The following FBXW8 variants were observed in gnomAD, a reference collection of about 807,000 sequenced individuals.
FBXW8 encodes F-box/WD repeat-containing protein 8.
Under a neutral mutation model 65.3 loss-of-function variants are expected in FBXW8, and 57 were observed. The ratio of observed to expected loss-of-function variants is 0.87; its 90% CI spans 0.71 to 1.09. FBXW8 has a LOEUF of 1.09. FBXW8 is among the 50% of genes least tolerant of loss of function. The pLI, the probability that FBXW8 is intolerant of heterozygous loss-of-function variation, is 0.00. For missense variants in FBXW8, 777 were observed against 814.8 expected (o/e 0.95, Z 0.57); for synonymous variants, 308 against 330.2 (o/e 0.93, Z 0.73).
At chr12:116,917,156 C>T (rs1357089338) in intron 1 of FBXW8, among the ~76,000 whole-genome samples, 1 of 152,064 alleles carries the variant, frequency 6.6e-6, no homozygotes, top group Non-Finnish European at 1.5e-5. Context: ...AAATTTGGGG[C>T]CATCACTATG....
intron 4 of FBXW8, among the ~76,000 whole-genome samples, chr12:116,960,765 T>C (rs755473285): frequency 6.6e-6 from 1 of 152,206 alleles, no homozygotes; most frequent in East Asian, 1.9e-4. Context: ...ATGGAGGCTA[T>C]GGCACTGCGG....
At chr12:116,984,193 C>T (rs1467880676) in intron 5 of FBXW8, among the ~76,000 whole-genome samples, 2 of 152,180 alleles carry the variant, frequency 1.3e-5, no homozygotes, top group Non-Finnish European at 2.9e-5. Context: ...ATGCTAAGTA[C>T]AGAAAAGGTT....
At chr12:116,993,950 A>G (rs1273461270) in intron 7 of FBXW8, among the ~76,000 whole-genome samples, 6 of 152,194 alleles carry the variant, frequency 3.9e-5, no homozygotes, top group Admixed American at 3.9e-4. Context: ...ACATGTGGTT[A>G]TCCAATTTTC....
At position 116,920,046 on chromosome 12, in the gene FBXW8, G is replaced by C. The variant is rs145533793; in HGVS notation, c.319-7977G>C. 9.2e-4 allele frequency among the ~76,000 whole-genome samples: 140 copies of C among 152,292 alleles called. 1 individual carries two copies. The highest frequency in any genetic ancestry group is 3.2e-3 in the African/African-American group (134 of 41,560). ...GTGTACTCATGAATTGACTTAACTG[G>C]AATAACTTCCTTTCCTCTTTCCTGT... On this transcript the variant is annotated intron_variant, in intron 1 of 10. Coordinates refer to ENST00000652555, the MANE Select transcript of FBXW8 (RefSeq NM_153348.3).
intron 4 of FBXW8, among the ~76,000 whole-genome samples, chr12:116,957,008 T>A (rs2137373582): frequency 6.6e-6 from 1 of 152,144 alleles, no homozygotes; most frequent in Middle Eastern, 3.4e-3. Context: ...TTGAAATACC[T>A]TGCTTTTAGC....
In FBXW8 at chr12:117,022,424, G is replaced by A. The variant is rs111766584; in HGVS notation, c.1368-1723G>A. Reference sequence around the variant, plus strand: ...AATCCCGGCACTTTAGGAGGCTGAGGTGGGTAGATCCCTTGGCCCAGGAGT... The same window carrying A: ...AATCCCGGCACTTTAGGAGGCTGAGATGGGTAGATCCCTTGGCCCAGGAGT... On this transcript the variant is annotated intron_variant, in intron 8 of 10. Coordinates refer to ENST00000652555, the MANE Select transcript of FBXW8 (RefSeq NM_153348.3). Among the ~76,000 whole-genome samples, 613 of 151,548 alleles carry A rather than the reference G, an allele frequency of 4.0e-3. 8 individuals are homozygous for A. Among genetic ancestry groups the A allele is most frequent in the African/African-American group, 0.014 (589 of 41,350 alleles).
At chr12:117,026,736 C>T (rs1954241560) in intron 9 of FBXW8, among the ~76,000 whole-genome samples, 1 of 152,224 alleles carries the variant, frequency 6.6e-6, no homozygotes, top group South Asian at 2.1e-4. Flanking sequence ...ACCTTCTTCA[C>T]TAGCTAGGGC....
chr12:117,011,483 C>T (rs899715933), intron 8 of FBXW8, among the ~76,000 whole-genome samples: 2 of 152,216 alleles, frequency 1.3e-5, no homozygotes, highest in East Asian at 1.9e-4. Context: ...GCTGATGTTC[C>T]GGTGCTTGAG....
At chr12:116,935,160 A>G (rs577518254) in intron 2 of FBXW8, among the ~76,000 whole-genome samples, 1 of 152,346 alleles carries the variant, frequency 6.6e-6, no homozygotes, top group South Asian at 2.1e-4. Flanking sequence ...AATAAAGAAA[A>G]AGAGGGAAGA....
intron 8 of FBXW8, among the ~76,000 whole-genome samples, chr12:117,012,035 C>A (rs1446498524): frequency 6.6e-6 from 1 of 151,998 alleles, no homozygotes; most frequent in African/African-American, 2.4e-5. Flanking sequence ...AATACCACAC[C>A]ATTTTATATG....
In FBXW8 at chr12:116,985,382, G is replaced by A; in HGVS notation, c.1012G>A (p.Glu338Lys). The A allele has an allele frequency of 6.2e-7, 1 of 1,610,200 alleles. No homozygotes were observed. Residue 338 changes from glutamate (E) to lysine (K), a missense_variant, in exon 6 of 11, where the codon GAA (glutamate) becomes AAA (lysine). Physicochemically the swap from Glu to Lys is moderately conservative, Grantham distance 56 (BLOSUM62 1). Transcript: ENST00000652555. The stretch of plus-strand genomic sequence containing the variant: ...GGAGGGGTACTGGCAGATAGCTGCG[G>A]AATTTGAAGTTCCGAAACTGGTGAG... ...NEEGYWQIAA[E>K]FEVPKLVQYL...
At chr12:116,954,524 CCTT>C (rs1240202675) in intron 4 of FBXW8, among the ~76,000 whole-genome samples, 1 of 152,058 alleles carries the variant, frequency 6.6e-6, no homozygotes, top group Non-Finnish European at 1.5e-5. Context: ...AAATTTTTCT[CCTT>C]TTTAGCATTA....
intron 2 of FBXW8, among the ~76,000 whole-genome samples, chr12:116,928,581 T>C (rs752163152): frequency 2.6e-4 from 39 of 152,174 alleles, no homozygotes; most frequent in Non-Finnish European, 4.6e-4. Flanking sequence ...AAATTACCCT[T>C]TAAACTTTAG....
At chr12:116,971,656 G>A (rs1206395206) in intron 5 of FBXW8, among the ~76,000 whole-genome samples, 1 of 152,134 alleles carries the variant, frequency 6.6e-6, no homozygotes, top group African/African-American at 2.4e-5. Flanking sequence ...TCTACAGATT[G>A]GATTTTGGGT....
chr12:116,988,774 T>TAA lies in FBXW8; in HGVS notation c.1145_1146insAA (p.Tyr382Ter), dbSNP rs763429979. 6.2e-7 allele frequency: 1 copy of TAA among 1,614,134 alleles called. No homozygotes were observed. Among genetic ancestry groups the TAA allele is most frequent in the East Asian group, 2.2e-5 (1 of 44,888 alleles). ...KAEDSARTLL[Y>*]AHGPPVTCLD... Reference sequence around the variant, plus strand: ...CGAAGACTCCGCCAGAACCCTCCTTTACGCCCACGGCCCGCCTGTCACATG... The same window carrying TAA: ...CGAAGACTCCGCCAGAACCCTCCTTTAAACGCCCACGGCCCGCCTGTCACATG... The change falls in exon 7 of 11, where the codon TAC (tyrosine) becomes TAAAC (stop). Residue 382 changes from tyrosine (Y) to a stop codon, truncating the protein, a stop_gained and frameshift_variant. Transcript: ENST00000652555. LOFTEE classifies it high-confidence loss of function.
intron 4 of FBXW8, 125 bp from the exon 5 acceptor site, chr12:116,964,572 C>A: frequency 1.9e-6 from 2 of 1,041,974 alleles, no homozygotes; most frequent in African/African-American, 1.6e-5. Flanking sequence ...CTAAACAGTG[C>A]CTCAGCAGTG....
At chr12:116,999,190 G>A (rs2135692651) in intron 7 of FBXW8, among the ~76,000 whole-genome samples, 1 of 152,302 alleles carries the variant, frequency 6.6e-6, no homozygotes. Context: ...ACATCTGAGC[G>A]GTCGCATCCC....
At chr12:116,965,109 A>G (rs1362165485) in intron 5 of FBXW8, among the ~76,000 whole-genome samples, 1 of 152,260 alleles carries the variant, frequency 6.6e-6, no homozygotes, top group Admixed American at 6.5e-5. Context: ...GCTGGGCGCT[A>G]GTGCCAGACA....
intron 7 of FBXW8, among the ~76,000 whole-genome samples, chr12:116,996,572 G>A (rs1303577435): frequency 2.6e-5 from 4 of 151,624 alleles, no homozygotes; most frequent in African/African-American, 9.7e-5. Flanking sequence ...TTTGCTTTGT[G>A]AACTTTCCAT....
Sources: allele counts gnomAD v4.1 joint callset (sites outside exome capture counted in the v4.1 genomes callset), GRCh38; gene constraint gnomAD v4.1.1; transcripts MANE v1.5; gene names NCBI Gene and HGNC (gene_info 2026-07-23, HGNC 2026-07-21).